The following LRRFIP1 variants were observed in gnomAD, a reference collection of about 807,000 sequenced individuals.
LRRFIP1 encodes LRR binding FLII interacting protein 1.
LRRFIP1 carries 62 observed loss-of-function variants against 104.4 expected under a neutral mutation model. That is an observed-to-expected ratio of 0.59 (90% CI 0.48 to 0.73). LRRFIP1 has a LOEUF of 0.73. Among genes scored for constraint, LRRFIP1 ranks in the 30% least tolerant of loss-of-function variants. The probability of loss-of-function intolerance (pLI) is 0.00; values close to 1 mark genes in which losing one functional copy is unlikely to be tolerated. For missense variants in LRRFIP1, 796 were observed against 824.5 expected (o/e 0.97, Z 0.42); for synonymous variants, 300 against 299.0 (o/e 1.00, Z -0.03).
chr2:237,665,982 G>A (rs908411024), intron 1 of LRRFIP1, among the ~76,000 whole-genome samples: 1 of 152,176 alleles, frequency 6.6e-6, no homozygotes, highest in Admixed American at 6.5e-5. Context: ...AGGAGCTCAC[G>A]GCCTTCCCCA....
intron 1 of LRRFIP1, among the ~76,000 whole-genome samples, chr2:237,678,502 A>G (rs2091424515): frequency 6.6e-6 from 1 of 151,810 alleles, no homozygotes. Context: ...ATTATCCTGA[A>G]ACTATTTTTT....
At chr2:237,765,464 T>TTTTTAAAA in intron 19 of LRRFIP1, 1 of 929,818 alleles carries the variant, frequency 1.1e-6, no homozygotes, top group Non-Finnish European at 1.3e-6. Context: ...AAAAAAAGTT[T>TTTTTAAAA]TTGAACCTTA....
chr2:237,686,531 C>T (rs903641359), intron 1 of LRRFIP1, among the ~76,000 whole-genome samples: 4 of 152,222 alleles, frequency 2.6e-5, no homozygotes, highest in Admixed American at 2.6e-4. Context: ...AGGCACCTAC[C>T]ATGTTCCAAG....
At chr2:237,720,154 C>T (rs748747025) in intron 5 of LRRFIP1, among the ~76,000 whole-genome samples, 2 of 152,030 alleles carry the variant, frequency 1.3e-5, no homozygotes, top group African/African-American at 2.4e-5. Flanking sequence ...CCTATGTTGC[C>T]CAATCCGGTC....
chr2:237,761,051 C>G (rs1415776144), intron 19 of LRRFIP1, among the ~76,000 whole-genome samples: 2 of 152,164 alleles, frequency 1.3e-5, no homozygotes, highest in Admixed American at 6.5e-5. Flanking sequence ...TACAAAGAGG[C>G]TGGAATAAGG....
intron 7 of LRRFIP1, among the ~76,000 whole-genome samples, chr2:237,726,904 G>C (rs2094774437): frequency 6.6e-6 from 1 of 152,182 alleles, no homozygotes; most frequent in Non-Finnish European, 1.5e-5. Flanking sequence ...GCACTTAGTA[G>C]AATCATTCTC....
chr2:237,773,761 TG>T (rs974573459), intron 22 of LRRFIP1: 1 of 152,498 alleles, frequency 6.6e-6, no homozygotes, highest in African/African-American at 2.4e-5. Flanking sequence ...CCCTCCATTG[TG>T]GGTGTACTTG....
intron 2 of LRRFIP1, among the ~76,000 whole-genome samples, chr2:237,710,949 T>C (rs2094048763): frequency 6.6e-6 from 1 of 152,178 alleles, no homozygotes; most frequent in Non-Finnish European, 1.5e-5. Context: ...TAGTCCCAGC[T>C]ACTCAGGACA....
intron 22 of LRRFIP1, 125 bp from the exon 23 acceptor site, chr2:237,774,233 A>G (rs1286148233): frequency 1.5e-6 from 1 of 650,870 alleles, no homozygotes; most frequent in Non-Finnish European, 2.7e-6. Flanking sequence ...CCAAAATGTT[A>G]TAAGTATTTA....
chr2:237,757,423 C>G (rs2059385035), intron 16 of LRRFIP1, 33 bp from the exon 17 acceptor site: 1 of 1,471,124 alleles, frequency 6.8e-7, no homozygotes, highest in Non-Finnish European at 9.3e-7. Context: ...CTCTTTAACC[C>G]TTTATCTGCT....
chr2:237,687,667 G>T (rs2092473782), intron 1 of LRRFIP1, among the ~76,000 whole-genome samples: 3 of 151,668 alleles, frequency 2.0e-5, no homozygotes, highest in Non-Finnish European at 2.9e-5. Flanking sequence ...TAAGCTCATG[G>T]TTTGTAGAAG....
chr2:237,715,761 C>T lies in LRRFIP1; in HGVS notation c.201+1485C>T, dbSNP rs114749615. On this transcript the variant is annotated intron_variant, in intron 3 of 23. Transcript: ENST00000308482. Reference sequence around the variant, plus strand: ...ATTTCTGAAAGTAGCGCGGCTCCTGCTTCCCTCCGCATGGCTTCCGGATCA... The same window carrying T: ...ATTTCTGAAAGTAGCGCGGCTCCTGTTTCCCTCCGCATGGCTTCCGGATCA... 4.5e-3 allele frequency among the ~76,000 whole-genome samples: 689 copies of T among 152,360 alleles called. 3 individuals are homozygous for T. The highest frequency in any genetic ancestry group is 0.016 in the African/African-American group (654 of 41,578).
intron 1 of LRRFIP1, chr2:237,692,560 G>A: frequency 1.3e-6 from 2 of 1,483,780 alleles, no homozygotes; most frequent in Non-Finnish European, 1.8e-6. Context: ...TTTCGTGACT[G>A]CGGCGGGGTT....
In LRRFIP1 at chr2:237,637,882, T is replaced by C. The variant is rs2083325382; in HGVS notation, c.96+10142T>C. Reference sequence around the variant, plus strand: ...TATTTTTCACTTTCTTTGATGACATTCCTTAGGCATCTGGGAAGATGTGGG... The same window carrying C: ...TATTTTTCACTTTCTTTGATGACATCCCTTAGGCATCTGGGAAGATGTGGG... On this transcript the variant is annotated intron_variant, in intron 1 of 23. Coordinates refer to ENST00000308482, the MANE Select transcript of LRRFIP1 (RefSeq NM_001137550.2). Among the ~76,000 whole-genome samples, 5 of 152,218 alleles carry C rather than the reference T, an allele frequency of 3.3e-5. No individual in the cohort carries two copies. The South Asian group carries it at 1.0e-3, about 32-fold the overall frequency.
At chr2:237,636,793 T>C (rs1164821241) in intron 1 of LRRFIP1, among the ~76,000 whole-genome samples, 1 of 152,206 alleles carries the variant, frequency 6.6e-6, no homozygotes, top group African/African-American at 2.4e-5. Flanking sequence ...GAAGTGTTGG[T>C]ACCAGACAGT....
chr2:237,681,892 G>A (rs1175601138), intron 1 of LRRFIP1, among the ~76,000 whole-genome samples: 1 of 151,268 alleles, frequency 6.6e-6, no homozygotes, highest in Non-Finnish European at 1.5e-5. Flanking sequence ...TTTTAGCTGG[G>A]ATGGTCTCGA....
Position 237,760,078 on chromosome 2 carries a change from C to G in LRRFIP1, c.1332C>G (p.Ile444Met). ...TTTGTTCCCAGAAACATGGAATAAT[C>G]CTAAATTCAGAAATAGCTACCAATG... The part of the protein sequence containing the change: ...LKEELKKHGI[I>M]LNSEIATNGE... Residue 444 changes from isoleucine to methionine, a missense_variant, in exon 19 of 24, where the codon ATC becomes ATG. Ile to Met is a conservative substitution (Grantham distance 10). Coordinates refer to ENST00000308482, the MANE Select transcript of LRRFIP1 (RefSeq NM_001137550.2). 6.2e-7 allele frequency: 1 copy of G among 1,613,556 alleles called. No homozygotes were observed. The highest frequency in any genetic ancestry group is 8.5e-7 in the Non-Finnish European group (1 of 1,179,616).
At position 237,765,558 on chromosome 2, in the gene LRRFIP1, C is replaced by T. The variant is rs953590550; in HGVS notation, c.1460-4385C>T. On this transcript the variant is annotated intron_variant, in intron 19 of 23. Coordinates refer to ENST00000308482, the MANE Select transcript of LRRFIP1 (RefSeq NM_001137550.2). ...GTTCTTGTACAAGCTACTAATTAGACTATAGTAGGATATTTTAAAGAGCTG... is the reference window on the plus strand; with the variant it reads ...GTTCTTGTACAAGCTACTAATTAGATTATAGTAGGATATTTTAAAGAGCTG... 8.2e-6 allele frequency: 8 copies of T among 973,186 alleles called. No individual in the cohort carries two copies. In the African/African-American group the frequency reaches 1.4e-4, roughly 17 times the overall value. 60.3% of individuals were successfully genotyped at this position (973,186 alleles called of 1,614,324 possible). A position where few individuals can be genotyped will look rare whatever the true frequency, so the allele number is the denominator to read the frequency against.
chr2:237,721,677 G>C (rs1369113797), intron 6 of LRRFIP1: 1 of 152,174 alleles, frequency 6.6e-6, no homozygotes, highest in Non-Finnish European at 1.5e-5. Flanking sequence ...ATTACTCCTT[G>C]ACTTCTTATA....
Sources: gnomAD v4.1 joint callset for allele counts (sites outside exome capture counted in the v4.1 genomes callset) on GRCh38, gnomAD v4.1.1 for gene constraint, MANE v1.5 for transcripts, NCBI Gene and HGNC (gene_info 2026-07-23, HGNC 2026-07-21) for gene names.